The following RASSF2 variants were observed in gnomAD, a reference collection of about 807,000 sequenced individuals.
RASSF2 encodes Ras association domain family member 2.
A neutral mutation model predicts 46.3 loss-of-function variants in RASSF2; 34 were observed. That is an observed-to-expected ratio of 0.73 (90% CI 0.56 to 0.98). RASSF2 has a LOEUF of 0.98. Among genes scored for constraint, RASSF2 ranks in the 50% least tolerant of loss-of-function variants. The pLI is 0.00. For synonymous variants in RASSF2, 158 were observed against 162.5 expected (o/e 0.97, Z 0.21); for missense variants, 364 against 431.2 (o/e 0.84, Z 1.38).
intron 1 of RASSF2, among the ~76,000 whole-genome samples, chr20:4,822,848 C>T (rs2246735): frequency 0.57 from 86,521 of 152,052 alleles, 25,086 homozygotes; most frequent in East Asian, 0.83. Flanking sequence ...CGGCGGCGGA[C>T]TGGGGTCGGG....
chr20:4,813,673 C>T (rs1045094938), intron 2 of RASSF2, among the ~76,000 whole-genome samples: 5 of 152,204 alleles, frequency 3.3e-5, no homozygotes, highest in African/African-American at 9.6e-5. Flanking sequence ...GGCGCTGGAG[C>T]GGGACGAAAA....
chr20:4,804,832 G>T (rs182412410), intron 2 of RASSF2, among the ~76,000 whole-genome samples: 85 of 152,248 alleles, frequency 5.6e-4, no homozygotes, highest in Non-Finnish European at 1.0e-3. Context: ...GGAGGAGGGG[G>T]ATGTGTGGGG....
rs537492674 is a variant in RASSF2 at position 4,793,338 on chromosome 20, A to G, written c.288-711T>C. On this transcript the variant is annotated intron_variant, in intron 5 of 11. Transcript: ENST00000379400. ...AAATCAACAGAGGATTTGGCTAGAAAGGAGAATCATATTTGACCAATTAGG... is the reference window on the plus strand; with the variant it reads ...AAATCAACAGAGGATTTGGCTAGAAGGGAGAATCATATTTGACCAATTAGG... 3.0e-4 allele frequency among the ~76,000 whole-genome samples: 45 copies of G among 152,344 alleles called. No individual in the cohort carries two copies. The South Asian group carries it at 8.9e-3, about 30-fold the overall frequency.
chr20:4,816,351 A>G (rs1928304960), intron 2 of RASSF2, among the ~76,000 whole-genome samples: 1 of 152,224 alleles, frequency 6.6e-6, no homozygotes, highest in Non-Finnish European at 1.5e-5. Context: ...AAAGATTAGT[A>G]TCCACAAAAG....
intron 6 of RASSF2, among the ~76,000 whole-genome samples, chr20:4,791,499 C>T (rs963676924): frequency 6.6e-6 from 1 of 152,158 alleles, no homozygotes; most frequent in Admixed American, 6.5e-5. Context: ...GTGGGGTTCC[C>T]ATGGCATATG....
In RASSF2 at chr20:4,782,910, C is replaced by T. The variant is rs763536465; in HGVS notation, c.*1363G>A. 6 of 152,294 alleles carry T rather than the reference C, an allele frequency of 3.9e-5. No individual in the cohort carries two copies. Among genetic ancestry groups the T allele is most frequent in the Non-Finnish European group, 7.3e-5 (5 of 68,126 alleles). 9.4% of individuals were successfully genotyped at this position (152,294 alleles called of 1,614,324 possible). A position where few individuals can be genotyped will look rare whatever the true frequency, so the allele number is the denominator to read the frequency against. On this transcript the variant is annotated 3_prime_UTR_variant, in exon 12 of 12. Transcript: ENST00000379400. ...CCAAGCATCTGTCTCCCTCCTCAAA[C>T]GATATCAGCTGCACTGATGCCCAGC...
intron 4 of RASSF2, among the ~76,000 whole-genome samples, chr20:4,797,565 ACTATC>A (rs55703705): frequency 0.16 from 25,008 of 152,112 alleles, 2,191 homozygotes; most frequent in East Asian, 0.3. Context: ...GGACGGGCCC[ACTATC>A]AGTGGGGACT....
At chr20:4,789,310 A>G (rs1483121944) in intron 8 of RASSF2, among the ~76,000 whole-genome samples, 1 of 152,074 alleles carries the variant, frequency 6.6e-6, no homozygotes, top group Non-Finnish European at 1.5e-5. Flanking sequence ...TAGGCATCCA[A>G]ATCCCCTGCA....
chr20:4,822,258 C>G (rs1471699327), intron 2 of RASSF2, 71 bp downstream of exon 2: 1 of 152,242 alleles, frequency 6.6e-6, no homozygotes, highest in East Asian at 1.9e-4. Context: ...AACTGGGTCC[C>G]CCTCCAGGAC....
intron 4 of RASSF2, among the ~76,000 whole-genome samples, chr20:4,796,823 C>T (rs1199276957): frequency 1.3e-5 from 2 of 152,230 alleles, no homozygotes; most frequent in Admixed American, 1.3e-4. Flanking sequence ...CATGGCCCAG[C>T]TGCTGATTAG....
intron 2 of RASSF2, among the ~76,000 whole-genome samples, chr20:4,803,590 C>CA (rs61078549): frequency 1.6e-4 from 24 of 150,652 alleles, no homozygotes; most frequent in Non-Finnish European, 2.8e-4. Flanking sequence ...CCCATCTCTA[C>CA]AAAAAAAAAT....
At chr20:4,815,244 C>G (rs2122674879) in intron 2 of RASSF2, 2 of 152,464 alleles carry the variant, frequency 1.3e-5, no homozygotes, top group Middle Eastern at 3.4e-3. Context: ...GACCTGCGGG[C>G]AAACTCTGCC....
Position 4,782,584 on chromosome 20 carries a change from A to G in RASSF2, c.*1689T>C, listed in dbSNP as rs1196822639. 2.0e-5 allele frequency: 3 copies of G among 152,298 alleles called. No individual in the cohort carries two copies. The highest frequency in any genetic ancestry group is 2.9e-5 in the Non-Finnish European group (2 of 68,074). The allele number at this position is 152,298 out of a possible 1,614,324, so 9.4% of individuals were successfully genotyped here. ...CCCTTGGCGAAATGCCAGGGGCCGC[A>G]TGCCATCTTTCTGCAGTCTACGTTA... On this transcript the variant is annotated 3_prime_UTR_variant, in exon 12 of 12. Coordinates refer to ENST00000379400, the MANE Select transcript of RASSF2 (RefSeq NM_014737.3).
At chr20:4,809,227 G>A (rs951938600) in intron 2 of RASSF2, among the ~76,000 whole-genome samples, 2 of 152,144 alleles carry the variant, frequency 1.3e-5, no homozygotes, top group African/African-American at 4.8e-5. Flanking sequence ...CAGCTTGGGG[G>A]TAAGACCTTC....
chr20:4,806,202 G>T (rs1387772245), intron 2 of RASSF2, among the ~76,000 whole-genome samples: 4 of 152,194 alleles, frequency 2.6e-5, no homozygotes, highest in Admixed American at 1.3e-4. Flanking sequence ...GGAGGCCAAG[G>T]CCAGCAGAGC....
chr20:4,809,587 C>T (rs545320384), intron 2 of RASSF2, among the ~76,000 whole-genome samples: 167 of 152,314 alleles, frequency 1.1e-3, no homozygotes, highest in African/African-American at 3.9e-3. Flanking sequence ...GCCTCTCCTG[C>T]ACCCGGGTTA....
At chr20:4,791,804 A>C (rs962529665) in intron 6 of RASSF2, among the ~76,000 whole-genome samples, 4 of 152,206 alleles carry the variant, frequency 2.6e-5, no homozygotes, top group African/African-American at 9.6e-5. Flanking sequence ...TGATTACATA[A>C]ATTATCCTTT....
chr20:4,794,675 C>T (rs538982352), intron 5 of RASSF2, among the ~76,000 whole-genome samples: 22 of 152,158 alleles, frequency 1.4e-4, no homozygotes, highest in Non-Finnish European at 2.5e-4. Context: ...AGCCACCGCA[C>T]TCCAGCCTGG....
At chr20:4,785,134 AC>A (rs1275636182) in intron 11 of RASSF2, among the ~76,000 whole-genome samples, 1 of 127,292 alleles carries the variant, frequency 7.9e-6, no homozygotes, top group African/African-American at 3.1e-5. Context: ...ACATGGCAAA[AC>A]CCCGTCTCTA....
Sources: allele counts gnomAD v4.1 joint callset (sites outside exome capture counted in the v4.1 genomes callset), GRCh38; gene constraint gnomAD v4.1.1; transcripts MANE v1.5; gene names NCBI Gene and HGNC (gene_info 2026-07-23, HGNC 2026-07-21).